Variants in CSMD1 observed in about 807,000 individuals in gnomAD.
The protein encoded by CSMD1 is CUB and Sushi multiple domains 1, also known as CUB and sushi domain-containing protein 1.
Under a neutral mutation model 417.5 loss-of-function variants are expected in CSMD1, and 213 were observed. The ratio of observed to expected loss-of-function variants is 0.51; its 90% CI spans 0.46 to 0.57. CSMD1 has a LOEUF of 0.57. CSMD1 is among the 20% of genes least tolerant of loss of function. CSMD1 has a pLI of 0.00. For synonymous variants in CSMD1, 2,862 were observed against 1,736.8 expected (o/e 1.65, Z -16.11); for missense variants, 6,923 against 4,529.7 (o/e 1.53, Z -15.17).
intron 3 of CSMD1, among the ~76,000 whole-genome samples, chr8:4,124,902 A>T (rs191404093): frequency 1.1e-4 from 17 of 152,294 alleles, no homozygotes; most frequent in African/African-American, 3.8e-4. Flanking sequence ...TTATAAGGAG[A>T]TATAAGCATA....
intron 3 of CSMD1, among the ~76,000 whole-genome samples, chr8:4,130,123 G>A (rs987293261): frequency 2.6e-5 from 4 of 152,088 alleles, no homozygotes; most frequent in African/African-American, 9.7e-5. Flanking sequence ...TGGAGTCACT[G>A]TCAGTAAATC....
At chr8:4,174,770 A>AGGGGGAG (rs1563224086) in intron 3 of CSMD1, among the ~76,000 whole-genome samples, 3 of 3,772 alleles carry the variant, frequency 8.0e-4, no homozygotes, top group Non-Finnish European at 1.3e-3. Context: ...GGGGGAGGGG[A>AGGGGGAG]GGGAGAGAGA....
rs138081868 is a variant in CSMD1 at position 3,574,841 on chromosome 8, T to C, written c.1344+104A>G. ...AGCTGGAACTTTTAAATTCAAACAGTAAAGTGTAAGCACGGATAGCATTTG... is the reference window on the plus strand; with the variant it reads ...AGCTGGAACTTTTAAATTCAAACAGCAAAGTGTAAGCACGGATAGCATTTG... On this transcript the variant is annotated intron_variant, in intron 10 of 69. Transcript: ENST00000635120. 5.8e-4 allele frequency: 760 copies of C among 1,309,326 alleles called. 7 individuals are homozygous for C. In the African/African-American group the frequency reaches 0.01, roughly 17 times the overall value. The allele number at this position is 1,309,326 out of a possible 1,614,324, so 81.1% of individuals were successfully genotyped here.
chr8:3,514,272 T>C (rs58631593), intron 10 of CSMD1, among the ~76,000 whole-genome samples: 14,123 of 152,204 alleles, frequency 0.093, 731 homozygotes, highest in South Asian at 0.16. Context: ...CCATTATAAA[T>C]GGTGCAACAT....
chr8:3,926,713 C>A (rs1322573675), intron 5 of CSMD1, among the ~76,000 whole-genome samples: 2 of 118,498 alleles, frequency 1.7e-5, no homozygotes, highest in East Asian at 4.7e-4. Flanking sequence ...TAAATTGACA[C>A]CTTTTTTTTT....
chr8:4,747,685 G>C (rs1233216150), intron 1 of CSMD1, among the ~76,000 whole-genome samples: 1 of 152,050 alleles, frequency 6.6e-6, no homozygotes, highest in South Asian at 2.1e-4. Context: ...TGTGGCACAA[G>C]GCTTTTCCAC....
At chr8:3,501,306 G>A (rs1796591489) in intron 10 of CSMD1, among the ~76,000 whole-genome samples, 1 of 152,050 alleles carries the variant, frequency 6.6e-6, no homozygotes, top group Non-Finnish European at 1.5e-5. Flanking sequence ...CAAGAAAAAT[G>A]TATGCATCAT....
intron 3 of CSMD1, among the ~76,000 whole-genome samples, chr8:4,316,129 CAAA>C (rs910274668): frequency 2.1e-4 from 32 of 152,080 alleles, no homozygotes; most frequent in African/African-American, 5.8e-4. Context: ...CTTAACCATT[CAAA>C]AACCTTCAAC....
chr8:4,920,901 GAAAAGAAA>G (rs1806411117), intron 1 of CSMD1, among the ~76,000 whole-genome samples: 1 of 30,720 alleles, frequency 3.3e-5, no homozygotes, highest in Non-Finnish European at 7.5e-5. Context: ...GAAAAGAAAA[GAAAAGAAA>G]AGAAAAGAAA....
chr8:3,826,892 T>G (rs888398052), intron 5 of CSMD1, among the ~76,000 whole-genome samples: 1 of 152,148 alleles, frequency 6.6e-6, no homozygotes, highest in Non-Finnish European at 1.5e-5. Flanking sequence ...GTTCAACCCA[T>G]TCTCCCACCT....
rs867309071 is a variant in CSMD1, at chr8:3,616,758, G to A, written c.1049C>T (p.Pro350Leu). ...GGVALVSDMC[P>L]DPGIPENGRR... is the part of the protein sequence containing the mutation. The stretch of plus-strand genomic sequence containing the variant: ...ACCATTTTCTGGAATCCCAGGATCT[G>A]GACACATGTCAGAGACCAATGCAAC... Residue 350 changes from proline (P) to leucine (L), a missense_variant, in exon 8 of 70, where the codon CCA becomes CTA. Pro to Leu is a moderately conservative substitution (Grantham distance 98). Coordinates refer to ENST00000635120, the MANE Select transcript of CSMD1 (RefSeq NM_033225.6). The A allele has an allele frequency of 1.9e-6, 3 of 1,612,326 alleles. No homozygotes were observed. Among genetic ancestry groups the A allele is most frequent in the East Asian group, 4.5e-5 (2 of 44,822 alleles).
chr8:4,012,907 C>A (rs1796342985), intron 4 of CSMD1, among the ~76,000 whole-genome samples: 1 of 152,026 alleles, frequency 6.6e-6, no homozygotes, highest in Non-Finnish European at 1.5e-5. Context: ...AGGGAAATTC[C>A]ATCAGCACCT....
intron 3 of CSMD1, among the ~76,000 whole-genome samples, chr8:4,127,922 G>T (rs1031896471): frequency 1.3e-5 from 2 of 152,190 alleles, no homozygotes; most frequent in East Asian, 1.9e-4. Flanking sequence ...TGACTCCAGA[G>T]CATGCACAGT....
chr8:4,708,580 A>C (rs1808094785), intron 1 of CSMD1, among the ~76,000 whole-genome samples: 1 of 152,194 alleles, frequency 6.6e-6, no homozygotes, highest in South Asian at 2.1e-4. Context: ...TCTTTGAGTC[A>C]CTTAAACTAG....
At position 3,087,291 on chromosome 8, in the gene CSMD1, G is replaced by C; in HGVS notation, c.7286-6C>G. ...GGTCAAACTGCAGTAAGGTGCTGTG[G>C]GCAGACAGACACACACAGAAATAAG... On this transcript the variant is annotated splice_polypyrimidine_tract_variant and splice_region_variant and intron_variant, in intron 48 of 69. Transcript: ENST00000635120. 6.2e-7 allele frequency: 1 copy of C among 1,612,608 alleles called. No individual in the cohort carries two copies. The highest frequency in any genetic ancestry group is 8.5e-7 in the Non-Finnish European group (1 of 1,178,828).
chr8:4,189,387 A>T (rs899718001), intron 3 of CSMD1, among the ~76,000 whole-genome samples: 9 of 152,192 alleles, frequency 5.9e-5, no homozygotes, highest in Non-Finnish European at 1.2e-4. Context: ...GAATATTCTA[A>T]CTCTACCTAA....
chr8:4,067,937 C>T (rs1799337873), intron 3 of CSMD1, among the ~76,000 whole-genome samples: 1 of 152,048 alleles, frequency 6.6e-6, no homozygotes, highest in Admixed American at 6.6e-5. Flanking sequence ...ATTAACTGGG[C>T]ATGGTGGTGC....
At chr8:3,593,253 G>A (rs1168961363) in intron 8 of CSMD1, among the ~76,000 whole-genome samples, 1 of 152,322 alleles carries the variant, frequency 6.6e-6, no homozygotes, top group Non-Finnish European at 1.5e-5. Flanking sequence ...GAACCCCCGC[G>A]TTGTGTCTGT....
chr8:3,978,928 A>G (rs886249235), intron 5 of CSMD1, among the ~76,000 whole-genome samples: 9 of 152,204 alleles, frequency 5.9e-5, no homozygotes, highest in African/African-American at 2.2e-4. Context: ...CCTAATGTGC[A>G]TTTCATTGCC....
Sources: gnomAD v4.1 joint callset for allele counts (sites outside exome capture counted in the v4.1 genomes callset) on GRCh38, gnomAD v4.1.1 for gene constraint, MANE v1.5 for transcripts, NCBI Gene and HGNC (gene_info 2026-07-23, HGNC 2026-07-21) for gene names.